OR2AT4: variants seen among roughly 807,000 people sequenced by gnomAD.
OR2AT4 encodes the protein olfactory receptor 2AT4.
A neutral mutation model predicts 10.3 loss-of-function variants in OR2AT4; 6 were observed. The observed-to-expected ratio is 0.58, with a 90% confidence interval of 0.32 to 1.15. The LOEUF is 1.15. OR2AT4 is among the 50% of genes most tolerant of loss of function. OR2AT4 has a pLI of 0.05. For synonymous variants in OR2AT4, 145 were observed against 159.1 expected, an observed-to-expected ratio of 0.91 and a Z score of 0.67; for missense variants, 354 against 393.8, an observed-to-expected ratio of 0.90 and a Z score of 0.85.
chr11:75,089,102 G>A, exon 2 of OR2AT4: 1 of 1,613,892 alleles, frequency 6.2e-7, no homozygotes, highest in Non-Finnish European at 8.5e-7. Flanking sequence ...CGATGCAGAA[G>A]CCCATGAGGG....
At chr11:75,090,839 G>C (rs1183813362) in intron 1 of OR2AT4, among the ~76,000 whole-genome samples, 2 of 147,816 alleles carry the variant, frequency 1.4e-5, no homozygotes, top group Non-Finnish European at 3.0e-5. Flanking sequence ...GAGGAAGAGG[G>C]ATTTCCTCAC....
chr11:75,092,298 G>C (rs897292584), intron 1 of OR2AT4, among the ~76,000 whole-genome samples: 1 of 152,168 alleles, frequency 6.6e-6, no homozygotes. Flanking sequence ...TCGGATAACA[G>C]TGTGGCAACA....
exon 2 of OR2AT4, chr11:75,089,309 C>T: frequency 1.2e-6 from 2 of 1,614,184 alleles, no homozygotes; most frequent in Non-Finnish European, 8.5e-7. Context: ...CAGGGTAGTG[C>T]AGTGGGTGGC....
exon 2 of OR2AT4, chr11:75,088,700 C>A (rs746079986): frequency 8.0e-6 from 12 of 1,505,704 alleles, no homozygotes; most frequent in African/African-American, 1.4e-5. Flanking sequence ...TTTCTCTGTG[C>A]TAAGCACTGT....
intron 1 of OR2AT4, among the ~76,000 whole-genome samples, chr11:75,092,983 C>T (rs2140280404): frequency 6.6e-6 from 1 of 152,152 alleles, no homozygotes; most frequent in East Asian, 1.9e-4. Flanking sequence ...GCCTGTAATC[C>T]CAGCTACTCA....
At chr11:75,086,429 A>C (rs972518392) in exon 2 of OR2AT4, 2 of 152,198 alleles carry the variant, frequency 1.3e-5, no homozygotes, top group East Asian at 3.8e-4. Context: ...CTTGTATATC[A>C]AATATCTAAT....
chr11:75,089,267 C>T, exon 2 of OR2AT4: 1 of 1,614,112 alleles, frequency 6.2e-7, no homozygotes. Flanking sequence ...CACTGGCTGC[C>T]AAGGTAGCAT....
chr11:75,093,100 A>AAAAT (rs1187796953), intron 1 of OR2AT4, among the ~76,000 whole-genome samples: 2 of 152,238 alleles, frequency 1.3e-5, no homozygotes, highest in Admixed American at 6.5e-5. Flanking sequence ...CTCTGTCTCA[A>AAAAT]AAATAAATAA....
intron 1 of OR2AT4, among the ~76,000 whole-genome samples, chr11:75,095,318 C>T (rs1053674226): frequency 4.7e-4 from 72 of 152,170 alleles, no homozygotes; most frequent in African/African-American, 1.7e-3. Context: ...AGTCAAATGG[C>T]AACTCCTTGC....
chr11:75,086,292 T>A (rs1949290462), exon 2 of OR2AT4: 1 of 152,166 alleles, frequency 6.6e-6, no homozygotes. Context: ...AGTATTTAGA[T>A]ATGTTATCAA....
chr11:75,091,513 T>C (rs1949319782), intron 1 of OR2AT4, among the ~76,000 whole-genome samples: 1 of 152,150 alleles, frequency 6.6e-6, no homozygotes, highest in Non-Finnish European at 1.5e-5. Flanking sequence ...ATATCCAATA[T>C]TTGAAATTAA....
At chr11:75,089,060 C>G in exon 2 of OR2AT4, 1 of 1,613,944 alleles carries the variant, frequency 6.2e-7, no homozygotes, top group East Asian at 2.2e-5. Flanking sequence ...AGAGAAGCAC[C>G]AGGAGAAGGG....
chr11:75,084,815 A>G (rs1355935336), exon 2 of OR2AT4: 1 of 152,208 alleles, frequency 6.6e-6, no homozygotes. Flanking sequence ...TTTTAGGGGA[A>G]ATTTAAAATA....
exon 2 of OR2AT4, chr11:75,089,527 G>A: frequency 6.2e-7 from 1 of 1,614,120 alleles, no homozygotes; most frequent in South Asian, 1.1e-5. Flanking sequence ...AAGTACATGG[G>A]CTTGTGGAGG....
chr11:75,093,053 T>TCA (rs1207792173), intron 1 of OR2AT4, among the ~76,000 whole-genome samples: 1 of 152,174 alleles, frequency 6.6e-6, no homozygotes, highest in Non-Finnish European at 1.5e-5. Flanking sequence ...TGAGCCGAGA[T>TCA]CACGTCATTG....
intron 1 of OR2AT4, among the ~76,000 whole-genome samples, chr11:75,090,586 T>A (rs1949316560): frequency 6.6e-6 from 1 of 152,202 alleles, no homozygotes; most frequent in Admixed American, 6.5e-5. Context: ...GACCATGATG[T>A]GGCTTAGACT....
At chr11:75,095,925 G>A (rs144551009) in intron 1 of OR2AT4, among the ~76,000 whole-genome samples, 2,736 of 152,104 alleles carry the variant, frequency 0.018, 71 homozygotes, top group African/African-American at 0.062. Context: ...TGATCTGCCC[G>A]CCTCGGCCTC....
chr11:75,093,784 CTTTTCTTTT>C (rs1289069094), intron 1 of OR2AT4, among the ~76,000 whole-genome samples: 3 of 121,936 alleles, frequency 2.5e-5, no homozygotes, highest in African/African-American at 8.9e-5. Flanking sequence ...TTCCTTTTCT[CTTTTCTTTT>C]TTTTCTTTTT....
exon 2 of OR2AT4, chr11:75,088,208 T>C (rs1453683148): frequency 2.0e-5 from 3 of 152,274 alleles, no homozygotes; most frequent in Non-Finnish European, 4.4e-5. Flanking sequence ...TAAATGCATA[T>C]GTAATTTTGG....
Sources: allele counts gnomAD v4.1 joint callset (sites outside exome capture counted in the v4.1 genomes callset), GRCh38; gene constraint gnomAD v4.1.1; transcripts MANE v1.5; gene names NCBI Gene and HGNC (gene_info 2026-07-23, HGNC 2026-07-21).